The following ARHGEF3 variants were observed in gnomAD, a reference collection of about 807,000 sequenced individuals.
The protein encoded by ARHGEF3 is Rho guanine nucleotide exchange factor 3, also known as 59.8 kDA protein.
ARHGEF3 carries 28 observed loss-of-function variants against 63.2 expected under a neutral mutation model. That is an observed-to-expected ratio of 0.44 (90% CI 0.33 to 0.61). The LOEUF (loss-of-function observed/expected upper bound fraction) is 0.61, where lower values mean the gene tolerates loss of function less well. ARHGEF3 is among the 20% of genes least tolerant of loss of function. ARHGEF3 has a pLI of 0.03. For missense variants in ARHGEF3, 533 were observed against 659.3 expected, an observed-to-expected ratio of 0.81 and a Z score of 2.10; for synonymous variants, 266 against 254.2, an observed-to-expected ratio of 1.05 and a Z score of -0.44.
chr3:56,812,984 C>T (rs1346274848), intron 4 of ARHGEF3, among the ~76,000 whole-genome samples: 1 of 152,232 alleles, frequency 6.6e-6, no homozygotes, highest in African/African-American at 2.4e-5. Flanking sequence ...GTAAAGCCAA[C>T]ATCATGTGGA....
intron 7 of ARHGEF3, among the ~76,000 whole-genome samples, chr3:56,738,966 C>G (rs1264829535): frequency 1.3e-5 from 2 of 151,904 alleles, no homozygotes; most frequent in African/African-American, 4.8e-5. Context: ...GAGGTGGTGC[C>G]CACCTATCAT....
chr3:56,962,314 C>A (rs1217254765), intron 2 of ARHGEF3, among the ~76,000 whole-genome samples: 1 of 152,184 alleles, frequency 6.6e-6, no homozygotes, highest in African/African-American at 2.4e-5. Context: ...ATTGTAGAAG[C>A]AGTATTTTGC....
chr3:57,039,480 A>G (rs1455113362), intron 1 of ARHGEF3, among the ~76,000 whole-genome samples: 1 of 152,192 alleles, frequency 6.6e-6, no homozygotes, highest in Non-Finnish European at 1.5e-5. Flanking sequence ...AGCACCATGC[A>G]CAACTCCCCT....
chr3:56,892,514 A>C (rs2041158501), intron 3 of ARHGEF3, among the ~76,000 whole-genome samples: 1 of 152,196 alleles, frequency 6.6e-6, no homozygotes, highest in South Asian at 2.1e-4. Context: ...TTTTTTAAAC[A>C]CTATAACAAA....
chr3:56,882,310 A>G (rs1169674569), exon 4 of ARHGEF3: 2 of 1,551,804 alleles, frequency 1.3e-6, no homozygotes, highest in African/African-American at 2.7e-5. Context: ...CGAGACTGCA[A>G]AGGCTAACAG....
At chr3:56,965,657 T>A (rs894045698) in intron 2 of ARHGEF3, among the ~76,000 whole-genome samples, 2 of 138,280 alleles carry the variant, frequency 1.4e-5, no homozygotes, top group African/African-American at 5.0e-5. Flanking sequence ...TTTTTTTTTT[T>A]TTTTTTTTTG....
At chr3:56,881,921 G>C (rs1375489357) in intron 4 of ARHGEF3, among the ~76,000 whole-genome samples, 1 of 152,214 alleles carries the variant, frequency 6.6e-6, no homozygotes, top group Non-Finnish European at 1.5e-5. Flanking sequence ...CCATCCGGCT[G>C]CCTGAGCTGG....
chr3:56,787,602 T>C (rs552068983), intron 1 of ARHGEF3, among the ~76,000 whole-genome samples: 2 of 152,156 alleles, frequency 1.3e-5, no homozygotes, highest in South Asian at 4.2e-4. Flanking sequence ...GATGACTTCC[T>C]CCAAGTCATA....
chr3:56,771,309 C>A (rs1038261443), intron 2 of ARHGEF3, among the ~76,000 whole-genome samples: 2 of 152,098 alleles, frequency 1.3e-5, no homozygotes, highest in African/African-American at 4.8e-5. Flanking sequence ...CAAATGTTTC[C>A]TGCACTGTTA....
chr3:56,792,103 C>CAAAAAAAA (rs1553755406), intron 1 of ARHGEF3, among the ~76,000 whole-genome samples: 35 of 91,322 alleles, frequency 3.8e-4, no homozygotes, highest in Non-Finnish European at 6.1e-4. Context: ...GACTCTGTCT[C>CAAAAAAAA]AAAAAAAAAA....
chr3:57,014,932 G>C (rs917919188), intron 2 of ARHGEF3, among the ~76,000 whole-genome samples: 1 of 151,904 alleles, frequency 6.6e-6, no homozygotes, highest in South Asian at 2.1e-4. Flanking sequence ...TGATCCTCCC[G>C]CCTCGGCCTC....
chr3:56,793,401 C>T (rs1244770098), intron 1 of ARHGEF3, among the ~76,000 whole-genome samples: 4 of 152,166 alleles, frequency 2.6e-5, no homozygotes, highest in African/African-American at 9.7e-5. Flanking sequence ...GATCTCCTGA[C>T]CTCATGATCC....
At chr3:57,040,491 AAAG>A (rs1290344225) in intron 1 of ARHGEF3, among the ~76,000 whole-genome samples, 1 of 151,802 alleles carries the variant, frequency 6.6e-6, no homozygotes, top group Non-Finnish European at 1.5e-5. Context: ...AAAGAAAAGA[AAAG>A]AAAAGAAAAT....
chr3:56,765,173 A>G (rs1026720071), intron 2 of ARHGEF3, among the ~76,000 whole-genome samples: 1 of 152,166 alleles, frequency 6.6e-6, no homozygotes, highest in Non-Finnish European at 1.5e-5. Context: ...ACTACAGATA[A>G]CTTGTCAGCT....
At chr3:56,897,679 G>A (rs2041349038) in intron 3 of ARHGEF3, among the ~76,000 whole-genome samples, 1 of 151,472 alleles carries the variant, frequency 6.6e-6, no homozygotes, top group South Asian at 2.1e-4. Context: ...TCCTGCCTCA[G>A]CCTCAGCCTC....
intron 1 of ARHGEF3, among the ~76,000 whole-genome samples, chr3:57,046,891 TC>T (rs991536618): frequency 2.6e-5 from 4 of 152,232 alleles, no homozygotes; most frequent in Non-Finnish European, 5.9e-5. Flanking sequence ...TCTCTTTTTT[TC>T]CTAAGAGATT....
chr3:56,865,596 A>G (rs952332493), intron 4 of ARHGEF3, among the ~76,000 whole-genome samples: 2 of 152,342 alleles, frequency 1.3e-5, no homozygotes, highest in South Asian at 2.1e-4. Flanking sequence ...AAGTTAGTAA[A>G]TTACTGTGCC....
At chr3:56,731,108 C>T (rs1378573807) in intron 9 of ARHGEF3, among the ~76,000 whole-genome samples, 1 of 152,188 alleles carries the variant, frequency 6.6e-6, no homozygotes, top group Non-Finnish European at 1.5e-5. Context: ...TTCTACTACT[C>T]CTACTCCTAG....
chr3:56,856,843 T>A (rs762888816), intron 4 of ARHGEF3, among the ~76,000 whole-genome samples: 2 of 151,906 alleles, frequency 1.3e-5, no homozygotes, highest in Non-Finnish European at 2.9e-5. Context: ...CCTCCCAAGA[T>A]GAACCAACTT....
Sources: allele counts gnomAD v4.1 joint callset (sites outside exome capture counted in the v4.1 genomes callset), GRCh38; gene constraint gnomAD v4.1.1; transcripts MANE v1.5; gene names NCBI Gene and HGNC (gene_info 2026-07-23, HGNC 2026-07-21).